ZNF385D: variants seen among roughly 807,000 people sequenced by gnomAD.
ZNF385D encodes zinc finger protein 659.
In ZNF385D, 15 loss-of-function variants were observed where a neutral mutation model predicts 35.8. That is an observed-to-expected ratio of 0.42 (90% CI 0.28 to 0.64). ZNF385D has a LOEUF of 0.64. Among genes scored for constraint, ZNF385D ranks in the 30% least tolerant of loss-of-function variants. The pLI is 0.23. For synonymous variants in ZNF385D, 212 were observed against 186.8 expected (o/e 1.13, Z -1.10); for missense variants, 474 against 494.6 (o/e 0.96, Z 0.39).
intron 3 of ZNF385D, among the ~76,000 whole-genome samples, chr3:21,921,627 C>T (rs1700466202): frequency 6.6e-6 from 1 of 151,288 alleles, no homozygotes; most frequent in African/African-American, 2.4e-5. Flanking sequence ...GAGAAAACAC[C>T]TAAAAAAAGA....
rs190207800 is a variant in ZNF385D, at chr3:21,631,283, A to G, written c.165+33603T>C. Among the ~76,000 whole-genome samples the G allele has an allele frequency of 3.8e-4, 58 of 152,022 alleles. No individual in the cohort carries two copies. In the East Asian group the frequency reaches 9.3e-3, roughly 24 times the overall value. ...CACAGATTAAGAGTTCTCCTCTCCT[A>G]CCCTTCCAAGGCATGTCAACCCTAA... On this transcript the variant is annotated intron_variant, in intron 2 of 7. Coordinates refer to ENST00000281523, the MANE Select transcript of ZNF385D (RefSeq NM_024697.3).
chr3:21,572,739 T>C (rs1871106), intron 2 of ZNF385D, among the ~76,000 whole-genome samples: 105,297 of 152,094 alleles, frequency 0.69, 37,604 homozygotes, highest in African/African-American at 0.88. Flanking sequence ...CTTTCCACCC[T>C]TGCACAGCAG....
chr3:22,365,717 A>G (rs1696627786), intron 2 of ZNF385D, among the ~76,000 whole-genome samples: 1 of 152,086 alleles, frequency 6.6e-6, no homozygotes, highest in Admixed American at 6.6e-5. Context: ...GTCATTTAAC[A>G]TAGTGTTTGA....
chr3:21,920,561 C>A (rs949598733), intron 3 of ZNF385D, among the ~76,000 whole-genome samples: 1 of 144,902 alleles, frequency 6.9e-6, no homozygotes, highest in Non-Finnish European at 1.5e-5. Context: ...CTGAAAGTGA[C>A]TGAGATCATT....
intron 5 of ZNF385D, among the ~76,000 whole-genome samples, chr3:21,433,472 G>C (rs1463889228): frequency 6.6e-6 from 1 of 152,106 alleles, no homozygotes; most frequent in Non-Finnish European, 1.5e-5. Context: ...CTTCAAACCT[G>C]GTTCCCTGAA....
intron 5 of ZNF385D, among the ~76,000 whole-genome samples, chr3:21,433,922 T>C (rs993966360): frequency 5.9e-5 from 9 of 152,274 alleles, no homozygotes; most frequent in Non-Finnish European, 1.3e-4. Flanking sequence ...AGTTTTTGTG[T>C]CATTAGTAAG....
intron 3 of ZNF385D, among the ~76,000 whole-genome samples, chr3:21,885,653 A>T (rs1698500766): frequency 6.6e-6 from 1 of 151,878 alleles, no homozygotes; most frequent in Non-Finnish European, 1.5e-5. Flanking sequence ...GTTGTTACAC[A>T]AATTTTATAT....
chr3:22,365,493 A>T lies in ZNF385D; in HGVS notation c.106+6957T>A, dbSNP rs549094911. ...CGAGATGTTTATCTTTCTAAAAAAA[A>T]TTTTTTTTTGTTTGCAAACAAACTT... is the stretch of plus-strand genomic sequence containing the variant. On this transcript the variant is annotated intron_variant, in intron 2 of 5. Transcript: ENST00000494108. Among the ~76,000 whole-genome samples, 89 of 151,636 alleles carry T rather than the reference A, an allele frequency of 5.9e-4. No individual in the cohort carries two copies. The East Asian group carries it at 9.3e-3, about 16-fold the overall frequency.
chr3:22,252,651 C>T (rs2638155), intron 2 of ZNF385D, among the ~76,000 whole-genome samples: 68,786 of 151,768 alleles, frequency 0.45, 16,806 homozygotes, highest in African/African-American at 0.65. Flanking sequence ...AAGGCTGCAT[C>T]GATAGAGAAG....
chr3:21,552,491 G>T (rs1405300155), intron 3 of ZNF385D, among the ~76,000 whole-genome samples: 1 of 152,050 alleles, frequency 6.6e-6, no homozygotes, highest in East Asian at 1.9e-4. Context: ...ATGATTGTTT[G>T]GTTTGTAAAA....
chr3:21,909,271 A>G (rs1575889616), intron 3 of ZNF385D, among the ~76,000 whole-genome samples: 1 of 152,112 alleles, frequency 6.6e-6, no homozygotes, highest in Non-Finnish European at 1.5e-5. Flanking sequence ...GTCACTGCAC[A>G]AAATACAAGC....
chr3:22,198,353 T>C (rs1696558585), intron 2 of ZNF385D, among the ~76,000 whole-genome samples: 1 of 152,100 alleles, frequency 6.6e-6, no homozygotes, highest in Non-Finnish European at 1.5e-5. Context: ...TAGGATTGAC[T>C]TGTGAAAGGA....
rs372035399 is a variant in ZNF385D at position 22,279,641 on chromosome 3, A to T, written c.106+92809T>A. 2.6e-5 allele frequency among the ~76,000 whole-genome samples: 2 copies of T among 77,934 alleles called. 1 individual carries two copies. Among genetic ancestry groups the T allele is most frequent in the South Asian group, 6.8e-4 (2 of 2,938 alleles). 51.1% of individuals were successfully genotyped at this position (77,934 alleles called of 152,430 possible). Reference sequence around the variant, plus strand: ...ATATATGTATATGTGTGTATATTTTATATATATATATATGCACACACACCA... The same window carrying T: ...ATATATGTATATGTGTGTATATTTTTTATATATATATATGCACACACACCA... On this transcript the variant is annotated intron_variant, in intron 2 of 5. Transcript: ENST00000494108.
chr3:22,235,193 G>A (rs1388707056), intron 2 of ZNF385D, among the ~76,000 whole-genome samples: 1 of 152,028 alleles, frequency 6.6e-6, no homozygotes, highest in Non-Finnish European at 1.5e-5. Flanking sequence ...CCCTCAGCCA[G>A]ACCCAAAATC....
In ZNF385D at chr3:22,363,762, T is replaced by C. The variant is rs997101137; in HGVS notation, c.106+8688A>G. ...CTTATCTTTTCTACTCTTAAGGAAA[T>C]TTCTCTTTACCATGAGTGTCTCAAT... On this transcript the variant is annotated intron_variant, in intron 2 of 5. Coordinates refer to the ZNF385D transcript ENST00000494108. Among the ~76,000 whole-genome samples, 21 of 152,238 alleles carry C rather than the reference T, an allele frequency of 1.4e-4. No individual in the cohort carries two copies. The East Asian group carries it at 3.9e-3, about 28-fold the overall frequency.
intron 2 of ZNF385D, among the ~76,000 whole-genome samples, chr3:22,307,185 C>G (rs1444086265): frequency 1.3e-5 from 2 of 152,042 alleles, no homozygotes; most frequent in Admixed American, 1.3e-4. Flanking sequence ...GAAATTGACT[C>G]AGAAAAGCCC....
intron 3 of ZNF385D, among the ~76,000 whole-genome samples, chr3:21,887,691 CAG>C (rs1294954661): frequency 6.6e-6 from 1 of 151,988 alleles, no homozygotes; most frequent in Admixed American, 6.6e-5. Flanking sequence ...CCACATCTAA[CAG>C]AAAAATTATA....
chr3:21,508,276 A>C (rs572313933), intron 4 of ZNF385D, among the ~76,000 whole-genome samples: 1 of 152,154 alleles, frequency 6.6e-6, no homozygotes, highest in East Asian at 1.9e-4. Flanking sequence ...GTTTGTTACC[A>C]CTCAACTTCT....
In ZNF385D at chr3:21,923,489, C is replaced by A. The variant is rs566907391; in HGVS notation, c.325+245328G>T. Among the ~76,000 whole-genome samples, 74 of 152,202 alleles carry A rather than the reference C, an allele frequency of 4.9e-4. 1 individual carries two copies. The highest frequency in any genetic ancestry group is 4.1e-3 in the Admixed American group (63 of 15,286). On this transcript the variant is annotated intron_variant, in intron 3 of 5. Transcript: ENST00000494108. ...ACTTAAAACAGAACTACTATTTGAC[C>A]AGCAATCCCATTACTGCATATAGAA...
Sources: allele counts gnomAD v4.1 joint callset (sites outside exome capture counted in the v4.1 genomes callset), GRCh38; gene constraint gnomAD v4.1.1; transcripts MANE v1.5; gene names NCBI Gene and HGNC (gene_info 2026-07-23, HGNC 2026-07-21).